Variants in NCOA2 observed in about 807,000 individuals in gnomAD.
The protein encoded by NCOA2 is nuclear receptor coactivator 2.
NCOA2 carries 21 observed loss-of-function variants against 145.1 expected under a neutral mutation model. The ratio of observed to expected loss-of-function variants is 0.14; its 90% CI spans 0.10 to 0.21. The LOEUF is 0.21. NCOA2 is among the 10% of genes least tolerant of loss of function. The pLI is 1.00. For synonymous variants in NCOA2, 619 were observed against 637.5 expected (o/e 0.97, Z 0.44); for missense variants, 1,472 against 1,837.6 (o/e 0.80, Z 3.64).
intron 15 of NCOA2, among the ~76,000 whole-genome samples, chr8:70,136,903 C>T (rs1466851021): frequency 6.6e-6 from 1 of 152,148 alleles, no homozygotes; most frequent in Non-Finnish European, 1.5e-5. Context: ...GTGAGAGTGG[C>T]TAGAAAAACT....
In NCOA2 at chr8:70,113,140, G is replaced by A. The variant is rs1323883807; in HGVS notation, c.*492C>T. The A allele has an allele frequency of 4.8e-6, 1 of 206,398 alleles. No homozygotes were observed. Among genetic ancestry groups the A allele is most frequent in the African/African-American group, 2.3e-5 (1 of 43,598 alleles). 12.8% of individuals were successfully genotyped at this position (206,398 alleles called of 1,614,324 possible). A position where few individuals can be genotyped will look rare whatever the true frequency, so the allele number is the denominator to read the frequency against. The stretch of plus-strand genomic sequence containing the variant: ...GCTTCCATCCCAAATTCAGGCTTTA[G>A]CTTAAAACATCTTTAGTTTAATTTT... On this transcript the variant is annotated 3_prime_UTR_variant, in exon 23 of 23. Transcript: ENST00000452400.
intron 15 of NCOA2, 39 bp downstream of exon 15, chr8:70,138,164 G>T (rs766658857): frequency 1.3e-6 from 2 of 1,583,988 alleles, no homozygotes. Flanking sequence ...TTCTGGACAG[G>T]TATAAAATAA....
upstream of NCOA2, among the ~76,000 whole-genome samples, chr8:70,408,141 G>T (rs1814810927): frequency 6.6e-6 from 1 of 152,030 alleles, no homozygotes; most frequent in African/African-American, 2.4e-5. Flanking sequence ...TTCAATCTTG[G>T]CTCTTACTAA....
At chr8:70,366,416 ATT>A (rs760828074) in intron 1 of NCOA2, among the ~76,000 whole-genome samples, 12 of 152,170 alleles carry the variant, frequency 7.9e-5, no homozygotes, top group Non-Finnish European at 1.5e-4. Context: ...TATAAAGGTT[ATT>A]AAATGTTTCC....
the NCOA2 span, among the ~76,000 whole-genome samples, chr8:70,442,118 A>AGAAT: frequency 4.4e-5 from 4 of 90,506 alleles, no homozygotes; most frequent in Non-Finnish European, 8.9e-5. Flanking sequence ...GAAAGAAAGA[A>AGAAT]GAAAGAAAGA....
chr8:70,184,744 G>A (rs1330929945), intron 4 of NCOA2, among the ~76,000 whole-genome samples: 1 of 152,168 alleles, frequency 6.6e-6, no homozygotes, highest in Non-Finnish European at 1.5e-5. Context: ...GTTACTTTGT[G>A]CTGTCTCTTC....
At chr8:70,249,977 A>AAAAAAGAG (rs751876043) in intron 2 of NCOA2, among the ~76,000 whole-genome samples, 1 of 137,918 alleles carries the variant, frequency 7.3e-6, no homozygotes, top group Non-Finnish European at 1.6e-5. Flanking sequence ...AAAAAAAAAA[A>AAAAAAGAG]AAGAAGAAGA....
chr8:70,335,844 T>C (rs1003321342), intron 1 of NCOA2, among the ~76,000 whole-genome samples: 2 of 152,162 alleles, frequency 1.3e-5, no homozygotes, highest in Admixed American at 1.3e-4. Context: ...AGCCTATTGC[T>C]TCCAGACCAC....
intron 4 of NCOA2, among the ~76,000 whole-genome samples, chr8:70,186,229 T>C (rs1489757343): frequency 1.3e-5 from 2 of 152,228 alleles, no homozygotes; most frequent in Non-Finnish European, 2.9e-5. Context: ...AGAAGGTCTA[T>C]GTTCTTCCTA....
the NCOA2 span, among the ~76,000 whole-genome samples, chr8:70,439,520 A>G: frequency 6.6e-6 from 1 of 152,236 alleles, no homozygotes; most frequent in Admixed American, 6.5e-5. Context: ...TCATTCAACC[A>G]TTCAAAAAAA....
intron 4 of NCOA2, among the ~76,000 whole-genome samples, chr8:70,186,084 C>T (rs1003373247): frequency 3.3e-5 from 5 of 152,238 alleles, no homozygotes; most frequent in African/African-American, 1.2e-4. Flanking sequence ...CTCTCACTCT[C>T]TCTCTCTCTT....
chr8:70,235,108 T>G (rs1586199986), intron 2 of NCOA2, among the ~76,000 whole-genome samples: 1 of 152,110 alleles, frequency 6.6e-6, no homozygotes, highest in Non-Finnish European at 1.5e-5. Flanking sequence ...AAACAAAAGG[T>G]GCACACACAT....
intron 11 of NCOA2, among the ~76,000 whole-genome samples, chr8:70,155,515 T>C (rs1214668675): frequency 6.6e-6 from 1 of 152,266 alleles, no homozygotes; most frequent in Non-Finnish European, 1.5e-5. Flanking sequence ...TGTTTTTGTA[T>C]GAGCTAAGAA....
chr8:70,419,147 C>G, the NCOA2 span, among the ~76,000 whole-genome samples: 16 of 150,418 alleles, frequency 1.1e-4, no homozygotes, highest in Admixed American at 1.1e-3. Context: ...ATTGAACAAA[C>G]CCTCCCAGTG....
intron 2 of NCOA2, among the ~76,000 whole-genome samples, chr8:70,218,843 A>G (rs111681509): frequency 0.018 from 2,678 of 152,336 alleles, 68 homozygotes; most frequent in African/African-American, 0.059. Flanking sequence ...ACAGCATAGC[A>G]AAATGCCCTA....
intron 1 of NCOA2, among the ~76,000 whole-genome samples, chr8:70,339,647 G>A (rs1406308125): frequency 6.6e-6 from 1 of 152,054 alleles, no homozygotes; most frequent in Non-Finnish European, 1.5e-5. Context: ...TAAGCAAAAA[G>A]AACAAAGCTG....
chr8:70,443,495 A>G, the NCOA2 span, among the ~76,000 whole-genome samples: 29 of 152,210 alleles, frequency 1.9e-4, no homozygotes, highest in African/African-American at 6.5e-4. Flanking sequence ...ATATAATTGA[A>G]TTGAAACAGA....
At chr8:70,430,086 C>T in the NCOA2 span, among the ~76,000 whole-genome samples, 7 of 152,054 alleles carry the variant, frequency 4.6e-5, no homozygotes, top group South Asian at 4.2e-4. Context: ...CTCTTGGGCT[C>T]GAGTGATCCT....
In NCOA2 at chr8:70,110,306, G is replaced by A. The variant is rs777695262; in HGVS notation, c.*3326C>T. 1.6e-4 allele frequency: 32 copies of A among 197,132 alleles called. No individual in the cohort carries two copies. The highest frequency in any genetic ancestry group is 2.9e-4 in the Non-Finnish European group (28 of 95,192). 12.2% of individuals were successfully genotyped at this position (197,132 alleles called of 1,614,324 possible). ...CAAATATAATACATCGGACAGCTATGTAGGAATATACAAGACTTAAAAACA... is the reference window on the plus strand; with the variant it reads ...CAAATATAATACATCGGACAGCTATATAGGAATATACAAGACTTAAAAACA... On this transcript the variant is annotated 3_prime_UTR_variant, in exon 23 of 23. Coordinates refer to ENST00000452400, the MANE Select transcript of NCOA2 (RefSeq NM_006540.4).
Sources: allele counts gnomAD v4.1 joint callset (sites outside exome capture counted in the v4.1 genomes callset), GRCh38; gene constraint gnomAD v4.1.1; transcripts MANE v1.5; gene names NCBI Gene and HGNC (gene_info 2026-07-23, HGNC 2026-07-21).